PALLD: variants seen among roughly 807,000 people sequenced by gnomAD.
PALLD encodes the protein palladin, cytoskeletal associated protein, also known as palladin.
PALLD carries 61 observed loss-of-function variants against 123.5 expected under a neutral mutation model. That is an observed-to-expected ratio of 0.49 (90% confidence interval 0.40 to 0.61). The LOEUF (loss-of-function observed/expected upper bound fraction) is 0.61. Ranked by LOEUF, PALLD falls within the 20% of genes least tolerant of loss-of-function variation. The pLI, the probability that PALLD is intolerant of heterozygous loss-of-function variation, is 0.00. For missense variants in PALLD, 1,273 were observed against 1,377.0 expected (o/e 0.92, Z 1.20); for synonymous variants, 465 against 496.4 (o/e 0.94, Z 0.84).
chr4:168,709,023 TC>T lies in PALLD; in HGVS notation c.1502-3del. The stretch of plus-strand genomic sequence containing the variant: ...GATGAATGATTCTGTTCTCTTCACT[TC>T]CAGAGGAGATTTGCACCCTAGTTAT... On this transcript the variant is annotated splice_region_variant and splice_polypyrimidine_tract_variant and intron_variant, in intron 8 of 21. Transcript: ENST00000505667. The T allele has an allele frequency of 6.2e-7, 1 of 1,613,574 alleles. No homozygotes were observed. Among genetic ancestry groups the T allele is most frequent in the African/African-American group, 1.3e-5 (1 of 75,030 alleles).
intron 15 of PALLD, among the ~76,000 whole-genome samples, chr4:168,909,434 G>T (rs1007767113): frequency 2.0e-5 from 3 of 152,128 alleles, no homozygotes; most frequent in Admixed American, 6.5e-5. Context: ...GTTTAATACA[G>T]AATCACTTTT....
intron 10 of PALLD, among the ~76,000 whole-genome samples, chr4:168,851,488 C>T (rs1424303286): frequency 6.6e-6 from 1 of 152,148 alleles, no homozygotes; most frequent in Non-Finnish European, 1.5e-5. Context: ...ATGCTTCGGC[C>T]TCCCTAGTAG....
Position 168,926,410 on chromosome 4 carries a change from A to G in PALLD, c.*230A>G, listed in dbSNP as rs1000944186. On this transcript the variant is annotated 3_prime_UTR_variant, in exon 22 of 22. Coordinates refer to ENST00000505667, the MANE Select transcript of PALLD (RefSeq NM_001166108.2). ...ATCCAGCATTCTTGTTAAAGCTGAAACACTGAAACAGCCATTGCCTTGACC... is the reference window on the plus strand; with the variant it reads ...ATCCAGCATTCTTGTTAAAGCTGAAGCACTGAAACAGCCATTGCCTTGACC... The G allele has an allele frequency of 6.6e-7, 1 of 1,511,274 alleles. No homozygotes were observed. Among genetic ancestry groups the G allele is most frequent in the Non-Finnish European group, 8.9e-7 (1 of 1,123,364 alleles). 93.6% of individuals were successfully genotyped at this position (1,511,274 alleles called of 1,614,324 possible).
intron 10 of PALLD, among the ~76,000 whole-genome samples, chr4:168,850,008 C>T (rs1471259009): frequency 6.6e-6 from 1 of 152,160 alleles, no homozygotes; most frequent in African/African-American, 2.4e-5. Flanking sequence ...AACTCCTATC[C>T]AGTTTTTCAG....
At chr4:168,877,777 C>G (rs988095790) in intron 10 of PALLD, 1 of 1,198,576 alleles carries the variant, frequency 8.3e-7, no homozygotes, top group East Asian at 4.0e-5. Context: ...AGCAGGAGGC[C>G]GGCGCTCGGC....
chr4:168,532,158 G>C (rs1490149351), intron 2 of PALLD, among the ~76,000 whole-genome samples: 1 of 152,092 alleles, frequency 6.6e-6, no homozygotes, highest in Non-Finnish European at 1.5e-5. Context: ...TTATCATTTA[G>C]CTTCCACTTA....
chr4:168,713,412 G>A (rs2150221294), intron 10 of PALLD, among the ~76,000 whole-genome samples: 1 of 152,360 alleles, frequency 6.6e-6, no homozygotes, highest in East Asian at 1.9e-4. Context: ...CTGCTCTCCA[G>A]GGAGAGAAAG....
intron 10 of PALLD, among the ~76,000 whole-genome samples, chr4:168,889,364 A>G (rs894392265): frequency 3.3e-5 from 5 of 151,648 alleles, no homozygotes; most frequent in African/African-American, 1.2e-4. Context: ...GGGTTTTACC[A>G]TGTTGGCCAA....
At chr4:168,687,634 C>G (rs1445864053) in intron 6 of PALLD, among the ~76,000 whole-genome samples, 2 of 152,172 alleles carry the variant, frequency 1.3e-5, no homozygotes, top group Non-Finnish European at 2.9e-5. Flanking sequence ...CACTACCGGG[C>G]TTTCCTGCAT....
intron 10 of PALLD, among the ~76,000 whole-genome samples, chr4:168,888,715 G>A (rs1025864950): frequency 6.6e-6 from 1 of 152,120 alleles, no homozygotes; most frequent in Non-Finnish European, 1.5e-5. Flanking sequence ...TCACTCTCGA[G>A]GGGATTGAGA....
At chr4:168,497,269 T>C (rs573189199) in intron 1 of PALLD, 75 bp downstream of exon 1, 1 of 151,634 alleles carries the variant, frequency 6.6e-6, no homozygotes, top group East Asian at 1.9e-4. Flanking sequence ...AAACTAAAAA[T>C]ACAAAAGTTT....
intron 10 of PALLD, among the ~76,000 whole-genome samples, chr4:168,761,658 T>TTTTTTTTTTTTTTTTTTTTTTTG (rs1732924246): frequency 2.3e-5 from 1 of 43,070 alleles, no homozygotes. Context: ...TTTTTTTTTT[T>TTTTTTTTTTTTTTTTTTTTTTTG]TTTTTTTTTT....
chr4:168,739,043 G>A (rs1299644215), intron 10 of PALLD, among the ~76,000 whole-genome samples: 1 of 152,016 alleles, frequency 6.6e-6, no homozygotes, highest in Non-Finnish European at 1.5e-5. Context: ...TCTTTGTCTG[G>A]ATTATTTCAC....
chr4:168,739,780 G>A (rs114965295), intron 10 of PALLD, among the ~76,000 whole-genome samples: 133 of 152,262 alleles, frequency 8.7e-4, no homozygotes, highest in African/African-American at 3.0e-3. Context: ...CATCACACAC[G>A]TCATAAAGGC....
intron 10 of PALLD, among the ~76,000 whole-genome samples, chr4:168,823,160 G>T (rs750677002): frequency 5.3e-5 from 8 of 151,848 alleles, no homozygotes; most frequent in Non-Finnish European, 1.0e-4. Flanking sequence ...TTTCCTTCTG[G>T]GTTTATTAAA....
Position 168,928,316 on chromosome 4 carries a change from A to G in PALLD, c.*2136A>G, listed in dbSNP as rs778721783. The G allele has an allele frequency of 9.2e-6, 1 of 108,740 alleles. No individual in the cohort carries two copies. The highest frequency in any genetic ancestry group is 2.0e-5 in the Non-Finnish European group (1 of 50,782). The allele number at this position is 108,740 out of a possible 1,614,324, so 6.7% of individuals were successfully genotyped here. A position where few individuals can be genotyped will look rare whatever the true frequency, so the allele number is the denominator to read the frequency against. On this transcript the variant is annotated 3_prime_UTR_variant, in exon 22 of 22. Transcript: ENST00000505667. Reference sequence around the variant, plus strand: ...ACTAGCATTATTTTGCCACCTTTATATTGTATTTATAAAAAAAAAAGTACT... The same window carrying G: ...ACTAGCATTATTTTGCCACCTTTATGTTGTATTTATAAAAAAAAAAGTACT...
intron 2 of PALLD, among the ~76,000 whole-genome samples, chr4:168,555,047 T>G (rs1767133793): frequency 1.3e-5 from 2 of 152,214 alleles, no homozygotes. Flanking sequence ...ACGATGAGAT[T>G]TATATGCAAG....
At chr4:168,887,732 C>T (rs1360473620) in intron 10 of PALLD, among the ~76,000 whole-genome samples, 2 of 152,270 alleles carry the variant, frequency 1.3e-5, no homozygotes, top group African/African-American at 4.8e-5. Context: ...ACTTCACTTC[C>T]AAAATTGTAT....
At chr4:168,910,521 G>C (rs182229069) in intron 15 of PALLD, among the ~76,000 whole-genome samples, 1 of 152,014 alleles carries the variant, frequency 6.6e-6, no homozygotes, top group Non-Finnish European at 1.5e-5. Context: ...AATTCTAAAG[G>C]ATGCCTCAAA....
Sources: gnomAD v4.1 joint callset for allele counts (sites outside exome capture counted in the v4.1 genomes callset) on GRCh38, gnomAD v4.1.1 for gene constraint, MANE v1.5 for transcripts, NCBI Gene and HGNC (gene_info 2026-07-23, HGNC 2026-07-21) for gene names.